L2HGDH: variants seen among roughly 807,000 people sequenced by gnomAD.
L2HGDH encodes the protein L-2-hydroxyglutarate dehydrogenase.
In L2HGDH, 34 loss-of-function variants were observed where a neutral mutation model predicts 51.5. The observed-to-expected ratio is 0.66, with a 90% CI of 0.50 to 0.88. The LOEUF (loss-of-function observed/expected upper bound fraction) is 0.88. L2HGDH is among the 40% of genes least tolerant of loss of function. The pLI is 0.00. For synonymous variants in L2HGDH, 198 were observed against 197.9 expected (o/e 1.00, Z -0.01); for missense variants, 558 against 571.9 (o/e 0.98, Z 0.25).
intron 8 of L2HGDH, among the ~76,000 whole-genome samples, chr14:50,267,195 T>C (rs112221087): frequency 2.0e-5 from 3 of 151,250 alleles, no homozygotes; most frequent in African/African-American, 7.3e-5. Context: ...ATTTATTCAT[T>C]TTTTGAGATG....
chr14:50,295,572 ATTTTTTTTTTTTT>A (rs545388262), intron 3 of L2HGDH, among the ~76,000 whole-genome samples: 12 of 105,788 alleles, frequency 1.1e-4, no homozygotes, highest in Admixed American at 9.0e-4. Context: ...CACTCGGCTA[ATTTTTTTTTTTTT>A]TTTTTTTTTT....
At chr14:50,250,324 C>T (rs957259564) in intron 9 of L2HGDH, among the ~76,000 whole-genome samples, 1 of 152,212 alleles carries the variant, frequency 6.6e-6, no homozygotes, top group Non-Finnish European at 1.5e-5. Context: ...AGCCCTTGGG[C>T]TTTAAGTGAA....
chr14:50,287,626 G>GT (rs970253816), intron 4 of L2HGDH, among the ~76,000 whole-genome samples: 49 of 132,758 alleles, frequency 3.7e-4, no homozygotes, highest in Non-Finnish European at 5.8e-4. Context: ...ATCAATGAAA[G>GT]TTTTTTTTTA....
At chr14:50,282,390 C>T in intron 5 of L2HGDH, 1 of 453,364 alleles carries the variant, frequency 2.2e-6, no homozygotes, top group Admixed American at 2.4e-5. Flanking sequence ...GCTTCATAGC[C>T]AGTCTTTTTC....
chr14:50,304,947 C>G (rs1284050203), intron 1 of L2HGDH, among the ~76,000 whole-genome samples: 1 of 152,148 alleles, frequency 6.6e-6, no homozygotes, highest in African/African-American at 2.4e-5. Context: ...CTTATAGGAA[C>G]TGTAGACAGA....
In L2HGDH at chr14:50,294,768, CA is replaced by C. The variant is rs1490325613; in HGVS notation, c.409-523del. Among the ~76,000 whole-genome samples the C allele has an allele frequency of 3.9e-5, 6 of 152,200 alleles. No individual in the cohort carries two copies. The East Asian group carries it at 1.2e-3, about 29-fold the overall frequency. ...AAAGTATTTACAAAACATTCTGTTG[CA>C]GGGGGAAAACAGTCAATTCATCAAC... On this transcript the variant is annotated intron_variant, in intron 3 of 9. Coordinates refer to ENST00000267436, the MANE Select transcript of L2HGDH (RefSeq NM_024884.3).
intron 6 of L2HGDH, among the ~76,000 whole-genome samples, chr14:50,275,625 G>A (rs1158843475): frequency 6.6e-6 from 1 of 152,150 alleles, no homozygotes; most frequent in Non-Finnish European, 1.5e-5. Flanking sequence ...TCACCCTGAA[G>A]CCACTGGGTG....
intron 9 of L2HGDH, among the ~76,000 whole-genome samples, chr14:50,247,556 C>T (rs737078): frequency 0.54 from 82,578 of 151,980 alleles, 22,870 homozygotes; most frequent in East Asian, 0.65. Flanking sequence ...TAAATCCACA[C>T]TTAATTAGAA....
intron 9 of L2HGDH, among the ~76,000 whole-genome samples, chr14:50,259,571 G>A (rs1437473693): frequency 6.6e-6 from 1 of 151,240 alleles, no homozygotes. Flanking sequence ...GCTCACACCT[G>A]TAATCTCAGC....
intron 5 of L2HGDH, chr14:50,282,447 C>T (rs1373607823): frequency 2.2e-6 from 1 of 455,890 alleles, no homozygotes; most frequent in South Asian, 1.5e-5. Flanking sequence ...CTTCATTAAA[C>T]CAATGAAGCT....
chr14:50,296,576 T>C (rs1432749625), intron 3 of L2HGDH, among the ~76,000 whole-genome samples: 4 of 146,810 alleles, frequency 2.7e-5, no homozygotes, highest in African/African-American at 1.0e-4. Context: ...CATGAAGTGA[T>C]TGAAAACTTC....
chr14:50,302,196 G>C (rs372819315), intron 2 of L2HGDH, 28 bp from the exon 3 acceptor site: 1 of 1,610,668 alleles, frequency 6.2e-7, no homozygotes, highest in Non-Finnish European at 8.5e-7. Context: ...CAGGGTAAGA[G>C]TAAGTACATG....
At chr14:50,267,997 T>G in intron 7 of L2HGDH, 87 bp from the exon 8 acceptor site, 1 of 1,214,226 alleles carries the variant, frequency 8.2e-7, no homozygotes, top group Admixed American at 1.7e-5. Context: ...CATAAAACAC[T>G]TTCTTCTCAT....
intron 6 of L2HGDH, among the ~76,000 whole-genome samples, chr14:50,276,863 G>C (rs574901421): frequency 5.3e-5 from 8 of 152,256 alleles, no homozygotes; most frequent in African/African-American, 1.9e-4. Flanking sequence ...CTCAACCTCA[G>C]TACTACTGAC....
chr14:50,309,802 C>G (rs1276329343), intron 1 of L2HGDH, among the ~76,000 whole-genome samples: 1 of 151,846 alleles, frequency 6.6e-6, no homozygotes, highest in East Asian at 1.9e-4. Flanking sequence ...CCTGCCTCAG[C>G]CCCACAAGTG....
rs955333621 is a variant in L2HGDH at position 50,243,559 on chromosome 14, CA to C, written c.*3498del. 7 of 766,834 alleles carry C rather than the reference CA, an allele frequency of 9.1e-6. No homozygotes were observed. Among genetic ancestry groups the C allele is most frequent in the Non-Finnish European group, 1.1e-5 (7 of 631,728 alleles). The allele number at this position is 766,834 out of a possible 1,614,324, so 47.5% of individuals were successfully genotyped here. A position where few individuals can be genotyped will look rare whatever the true frequency, so the allele number is the denominator to read the frequency against. On this transcript the variant is annotated 3_prime_UTR_variant, in exon 10 of 10. Transcript: ENST00000267436. ...AAAACTTTATTATATCAGTATTAAA[CA>C]AAAAAACCCTATTGACATACATATA...
chr14:50,285,863 C>T (rs368568394), intron 4 of L2HGDH, among the ~76,000 whole-genome samples: 1 of 152,166 alleles, frequency 6.6e-6, no homozygotes, highest in South Asian at 2.1e-4. Flanking sequence ...TCTTTTCTTT[C>T]TCTTTCTAGT....
chr14:50,291,801 A>G (rs1404216613), intron 4 of L2HGDH, among the ~76,000 whole-genome samples: 1 of 152,238 alleles, frequency 6.6e-6, no homozygotes, highest in African/African-American at 2.4e-5. Context: ...CAAAAAACAC[A>G]TATAAAACTA....
In L2HGDH at chr14:50,245,493, A is replaced by G. The variant is rs1198164001; in HGVS notation, c.*1565T>C. The G allele has an allele frequency of 9.2e-6, 9 of 979,206 alleles. No homozygotes were observed. The East Asian group carries it at 7.9e-4, about 86-fold the overall frequency. The allele number at this position is 979,206 out of a possible 1,614,324, so 60.7% of individuals were successfully genotyped here. A position where few individuals can be genotyped will look rare whatever the true frequency, so the allele number is the denominator to read the frequency against. On this transcript the variant is annotated 3_prime_UTR_variant, in exon 10 of 10. Coordinates refer to ENST00000267436, the MANE Select transcript of L2HGDH (RefSeq NM_024884.3). The stretch of plus-strand genomic sequence containing the variant: ...ATAAAGGCTTTGAGTTTGTTTTGTT[A>G]TTTCCTACAAATATTATAATTAAGA...
Sources: allele counts gnomAD v4.1 joint callset (sites outside exome capture counted in the v4.1 genomes callset), GRCh38; gene constraint gnomAD v4.1.1; transcripts MANE v1.5; gene names NCBI Gene and HGNC (gene_info 2026-07-23, HGNC 2026-07-21).